Variants in TENM4 observed in about 807,000 individuals in gnomAD.
TENM4 encodes teneurin transmembrane protein 4, also known as teneurin-4.
Under a neutral mutation model 243.3 loss-of-function variants are expected in TENM4, and 82 were observed. The observed-to-expected ratio is 0.34, with a 90% CI of 0.28 to 0.40. The LOEUF (loss-of-function observed/expected upper bound fraction) is 0.40. Among genes scored for constraint, TENM4 ranks in the 10% least tolerant of loss-of-function variants. The pLI, the probability that TENM4 is intolerant of heterozygous loss-of-function variation, is 1.00. For synonymous variants in TENM4, 1,412 were observed against 1,456.3 expected (o/e 0.97, Z 0.69); for missense variants, 3,138 against 3,673.3 (o/e 0.85, Z 3.77).
At chr11:78,706,636 G>A (rs984768729) in intron 27 of TENM4, among the ~76,000 whole-genome samples, 1 of 152,094 alleles carries the variant, frequency 6.6e-6, no homozygotes, top group African/African-American at 2.4e-5. Flanking sequence ...TCTAAGTGTG[G>A]GTTTTAGCAT....
At chr11:79,121,083 T>C (rs1861736035) in intron 4 of TENM4, among the ~76,000 whole-genome samples, 1 of 152,220 alleles carries the variant, frequency 6.6e-6, no homozygotes, top group Admixed American at 6.5e-5. Flanking sequence ...CACTCTTAGA[T>C]GGGGAGACAG....
chr11:79,170,422 A>G (rs1264329280), intron 3 of TENM4, among the ~76,000 whole-genome samples: 1 of 152,206 alleles, frequency 6.6e-6, no homozygotes, highest in Non-Finnish European at 1.5e-5. Flanking sequence ...TTGAAATCCT[A>G]ACCCCTAGTA....
intron 2 of TENM4, among the ~76,000 whole-genome samples, chr11:79,262,089 A>G (rs1855807995): frequency 6.6e-6 from 1 of 152,312 alleles, no homozygotes; most frequent in African/African-American, 2.4e-5. Context: ...CTGAAGTTTC[A>G]ATGGTGTGTG....
intron 1 of TENM4, among the ~76,000 whole-genome samples, chr11:79,415,854 C>T (rs1023230750): frequency 2.0e-5 from 3 of 152,108 alleles, no homozygotes; most frequent in Non-Finnish European, 2.9e-5. Flanking sequence ...ATATTCACAT[C>T]ATCCCCCAAA....
chr11:79,256,656 T>A (rs141938179), intron 2 of TENM4, among the ~76,000 whole-genome samples: 1 of 152,350 alleles, frequency 6.6e-6, no homozygotes, highest in East Asian at 1.9e-4. Context: ...GTCAGGTTTG[T>A]CTGGACCTGT....
At chr11:79,115,714 C>A (rs748812259) in intron 4 of TENM4, among the ~76,000 whole-genome samples, 1 of 152,188 alleles carries the variant, frequency 6.6e-6, no homozygotes, top group Non-Finnish European at 1.5e-5. Flanking sequence ...AAGTGCTTGT[C>A]CAAGACATCA....
chr11:78,661,392 A>G lies in TENM4; in HGVS notation c.7551+57T>C, dbSNP rs1016195478. On this transcript the variant is annotated intron_variant, in intron 33 of 33. Coordinates refer to ENST00000278550, the MANE Select transcript of TENM4 (RefSeq NM_001098816.3). ...CATGCTTTTCTGAAAAGCTGAAGGG[A>G]CCCCCTCCAGTAATGTCTGAGTGGC... 10 of 1,568,212 alleles carry G rather than the reference A, an allele frequency of 6.4e-6. No homozygotes were observed. The African/African-American group carries it at 1.4e-4, about 21-fold the overall frequency.
At position 79,402,075 on chromosome 11, in the gene TENM4, C is replaced by A. The variant is rs535971761; in HGVS notation, c.-321+38434G>T. On this transcript the variant is annotated intron_variant, in intron 1 of 33. Transcript: ENST00000278550. ...GTTGTGTTCATGTGCAAGTCATTTA[C>A]CCCCAGCTAGATTGTAAGCTCCTTG... 6 of 436,224 alleles carry A rather than the reference C, an allele frequency of 1.4e-5. 1 individual carries two copies. Among genetic ancestry groups the A allele is most frequent in the South Asian group, 1.1e-4 (6 of 56,212 alleles). The allele number at this position is 436,224 out of a possible 1,614,324, so 27.0% of individuals were successfully genotyped here. A position where few individuals can be genotyped will look rare whatever the true frequency, so the allele number is the denominator to read the frequency against.
chr11:79,160,710 A>C (rs1862725723), intron 3 of TENM4, among the ~76,000 whole-genome samples: 2 of 152,270 alleles, frequency 1.3e-5, no homozygotes, highest in East Asian at 3.9e-4. Context: ...ATGGCAGAAG[A>C]TCAACATTAC....
intron 1 of TENM4, among the ~76,000 whole-genome samples, chr11:79,354,236 C>T (rs137917828): frequency 4.6e-5 from 7 of 152,302 alleles, no homozygotes; most frequent in East Asian, 3.9e-4. Flanking sequence ...TTTAAGTTGA[C>T]GTTGTTTCCA....
In TENM4 at chr11:78,891,246, G is replaced by A; in HGVS notation, c.840C>T (p.Tyr280=). ...ATGGGGATGTCACCTACCCGTCACT[G>A]TAAGCCCCATCATGGCGGGAGGCGC... ...ILGASRHDGA[Y]SDGHFLFKPG... is the part of the protein sequence containing the mutation. Residue 280 remains tyrosine (Y), a synonymous_variant, in exon 8 of 34, where the codon TAC becomes TAT. Transcript: ENST00000278550. The A allele has an allele frequency of 5.8e-6, 9 of 1,551,676 alleles. No homozygotes were observed. Among genetic ancestry groups the A allele is most frequent in the Non-Finnish European group, 7.8e-6 (9 of 1,146,994 alleles).
Position 78,805,281 on chromosome 11 carries a change from C to CACCCACCCCA in TENM4, c.2179+10_2179+11insTGGGGTGGGT. The CACCCACCCCA allele has an allele frequency of 2.7e-6, 4 of 1,488,468 alleles. No individual in the cohort carries two copies. The highest frequency in any genetic ancestry group is 2.7e-5 in the East Asian group (1 of 37,494). 92.2% of individuals were successfully genotyped at this position (1,488,468 alleles called of 1,614,324 possible). ...TCCCTCTACCCATGCTTCTTCTCCC[C>CACCCACCCCA]CTGCATTTACCGATAGAACAGTCGT... On this transcript the variant is annotated intron_variant, in intron 15 of 33. Coordinates refer to ENST00000278550, the MANE Select transcript of TENM4 (RefSeq NM_001098816.3).
intron 2 of TENM4, among the ~76,000 whole-genome samples, chr11:79,293,533 GAAA>G (rs1297455486): frequency 6.7e-4 from 96 of 143,094 alleles, no homozygotes; most frequent in African/African-American, 2.2e-3. Context: ...AAAAAAAAAA[GAAA>G]AAAAAGTGTT....
intron 3 of TENM4, among the ~76,000 whole-genome samples, chr11:79,207,897 G>T (rs920736783): frequency 7.4e-5 from 11 of 149,054 alleles, no homozygotes; most frequent in Non-Finnish European, 1.6e-4. Flanking sequence ...AAAAGTGGGG[G>T]ATAATTTAGG....
chr11:78,800,607 A>G lies in TENM4; in HGVS notation c.2179+4685T>C, dbSNP rs147291691. Among the ~76,000 whole-genome samples the G allele has an allele frequency of 6.6e-5, 10 of 152,180 alleles. No individual in the cohort carries two copies. The East Asian group carries it at 1.9e-3, about 29-fold the overall frequency. On this transcript the variant is annotated intron_variant, in intron 15 of 33. Transcript: ENST00000278550. ...CAGCCCCTCTCTTCCCTGTGTTTCC[A>G]GGGGGCTCTTTTTCTTTCTTTGACT...
intron 3 of TENM4, among the ~76,000 whole-genome samples, chr11:79,199,737 A>G (rs1403980366): frequency 6.6e-6 from 1 of 152,094 alleles, no homozygotes; most frequent in Non-Finnish European, 1.5e-5. Flanking sequence ...ATTGATTTCC[A>G]CCCATCTCTA....
chr11:79,232,803 A>T (rs1038125503), intron 2 of TENM4, among the ~76,000 whole-genome samples: 3 of 152,250 alleles, frequency 2.0e-5, no homozygotes, highest in Non-Finnish European at 4.4e-5. Flanking sequence ...TGAATCAGTG[A>T]TCTGGTTGGA....
intron 21 of TENM4, among the ~76,000 whole-genome samples, chr11:78,730,140 G>A (rs138523969): frequency 4.6e-4 from 70 of 152,316 alleles, no homozygotes; most frequent in East Asian, 4.3e-3. Context: ...CTTTGTGTGA[G>A]GACTGAGAAA....
chr11:79,292,606 G>C (rs539818094), intron 2 of TENM4, among the ~76,000 whole-genome samples: 1 of 152,312 alleles, frequency 6.6e-6, no homozygotes, highest in East Asian at 1.9e-4. Flanking sequence ...GTAATTCTCT[G>C]AAGGGGCCAT....
Sources: gnomAD v4.1 joint callset for allele counts (sites outside exome capture counted in the v4.1 genomes callset) on GRCh38, gnomAD v4.1.1 for gene constraint, MANE v1.5 for transcripts, NCBI Gene and HGNC (gene_info 2026-07-23, HGNC 2026-07-21) for gene names.